Variants in OCA2 observed in about 807,000 individuals in gnomAD.
OCA2 encodes P protein.
Under a neutral mutation model 100.2 loss-of-function variants are expected in OCA2, and 77 were observed. The observed-to-expected ratio is 0.77, with a 90% CI of 0.64 to 0.93. The LOEUF is 0.93. Ranked by LOEUF, OCA2 falls within the 40% of genes least tolerant of loss-of-function variation. The pLI is 0.00. For synonymous variants in OCA2, 432 were observed against 439.2 expected, an observed-to-expected ratio of 0.98 and a Z score of 0.21; for missense variants, 1,062 against 1,089.1, an observed-to-expected ratio of 0.98 and a Z score of 0.35.
intron 23 of OCA2, among the ~76,000 whole-genome samples, chr15:27,805,955 C>T (rs2033827789): frequency 6.6e-6 from 1 of 152,238 alleles, no homozygotes; most frequent in South Asian, 2.1e-4. Context: ...TGGCCGAGCC[C>T]GGACACCACT....
At chr15:28,050,778 A>G (rs2043488063) in intron 2 of OCA2, among the ~76,000 whole-genome samples, 1 of 152,146 alleles carries the variant, frequency 6.6e-6, no homozygotes, top group South Asian at 2.1e-4. Flanking sequence ...CCACACAGAC[A>G]TGCCGAGTGC....
chr15:27,855,908 A>G (rs1390000479), intron 21 of OCA2, among the ~76,000 whole-genome samples: 1 of 152,182 alleles, frequency 6.6e-6, no homozygotes, highest in Admixed American at 6.5e-5. Flanking sequence ...CTACTGTATG[A>G]GCTCCCTGTA....
intron 23 of OCA2, among the ~76,000 whole-genome samples, chr15:27,794,027 CA>C (rs2033210422): frequency 6.6e-6 from 1 of 152,192 alleles, no homozygotes; most frequent in South Asian, 2.1e-4. Context: ...AGGCTTCCTA[CA>C]GAAAATTCTC....
chr15:28,037,467 G>A (rs1272704870), intron 2 of OCA2, among the ~76,000 whole-genome samples: 2 of 152,160 alleles, frequency 1.3e-5, no homozygotes, highest in Non-Finnish European at 2.9e-5. Context: ...ACAGGCCGCA[G>A]ACAGCAGAAG....
chr15:28,016,616 C>CA (rs959449315), intron 7 of OCA2, among the ~76,000 whole-genome samples: 4 of 151,916 alleles, frequency 2.6e-5, no homozygotes, highest in Non-Finnish European at 4.4e-5. Flanking sequence ...CCTGTCTGCA[C>CA]AAAAAAGTTT....
intron 1 of OCA2, among the ~76,000 whole-genome samples, chr15:28,083,091 G>A (rs904676893): frequency 3.3e-5 from 5 of 152,160 alleles, no homozygotes; most frequent in Admixed American, 2.6e-4. Context: ...TGCTGGGGCT[G>A]GAGTTAGCAC....
intron 2 of OCA2, among the ~76,000 whole-genome samples, chr15:28,034,498 G>T (rs760240860): frequency 1.3e-5 from 2 of 152,050 alleles, no homozygotes; most frequent in African/African-American, 2.4e-5. Context: ...ATAATGAGCC[G>T]GGCACAGTGG....
intron 19 of OCA2, among the ~76,000 whole-genome samples, chr15:27,913,839 G>GA (rs2038505884): frequency 4.4e-5 from 1 of 22,542 alleles, no homozygotes; most frequent in African/African-American, 2.2e-4. Context: ...AGAAAGAAAG[G>GA]AAAGAAAGAA....
At chr15:27,867,423 A>C (rs1595542109) in intron 21 of OCA2, among the ~76,000 whole-genome samples, 1 of 152,348 alleles carries the variant, frequency 6.6e-6, no homozygotes, top group African/African-American at 2.4e-5. Flanking sequence ...CTTAAAAGAT[A>C]ATCTGCTTTG....
At chr15:28,058,395 G>A (rs2141637731) in intron 2 of OCA2, among the ~76,000 whole-genome samples, 1 of 152,282 alleles carries the variant, frequency 6.6e-6, no homozygotes, top group Non-Finnish European at 1.5e-5. Context: ...TTTTCTGAGC[G>A]CTCCCTCTTT....
chr15:27,843,537 A>G (rs2035419869), intron 23 of OCA2, among the ~76,000 whole-genome samples: 1 of 152,200 alleles, frequency 6.6e-6, no homozygotes, highest in East Asian at 1.9e-4. Flanking sequence ...ATGAGAGTCC[A>G]AACAGAAAGA....
intron 9 of OCA2, among the ~76,000 whole-genome samples, chr15:27,996,045 T>C (rs1434288726): frequency 6.6e-6 from 1 of 152,098 alleles, no homozygotes. Context: ...ACTCCTGAAC[T>C]CATGATCCGC....
chr15:27,910,976 A>G (rs552085550), intron 19 of OCA2, among the ~76,000 whole-genome samples: 21 of 150,488 alleles, frequency 1.4e-4, no homozygotes, highest in African/African-American at 3.1e-4. Flanking sequence ...AAGAAAGAAA[A>G]AAAAGAAAAG....
At chr15:27,910,607 A>T (rs935034538) in intron 19 of OCA2, among the ~76,000 whole-genome samples, 3 of 152,170 alleles carry the variant, frequency 2.0e-5, no homozygotes, top group African/African-American at 7.2e-5. Flanking sequence ...TTATTCTTCA[A>T]GTAATAAAGA....
At chr15:27,803,823 AAC>A (rs1426950547) in intron 23 of OCA2, among the ~76,000 whole-genome samples, 19 of 152,238 alleles carry the variant, frequency 1.2e-4, no homozygotes, top group African/African-American at 4.6e-4. Flanking sequence ...AAGACACAAT[AAC>A]ACATGTTGAC....
chr15:27,778,220 C>T (rs1330553444), intron 23 of OCA2, among the ~76,000 whole-genome samples: 3 of 152,142 alleles, frequency 2.0e-5, no homozygotes, highest in African/African-American at 7.2e-5. Flanking sequence ...ACTGTGAAAC[C>T]ACGAAAGTCT....
rs139645766 is a variant in OCA2, at chr15:28,031,152, T to C, written c.326+913A>G. Among the ~76,000 whole-genome samples the C allele has an allele frequency of 1.6e-4, 24 of 152,276 alleles. No homozygotes were observed. In the East Asian group the frequency reaches 4.4e-3, roughly 28 times the overall value. On this transcript the variant is annotated intron_variant, in intron 3 of 23. Coordinates refer to ENST00000354638, the MANE Select transcript of OCA2 (RefSeq NM_000275.3). ...TCATAAACCAGCCATGTATGGAAAA[T>C]GTAGTCCTTCTACATTTCTTTGTTT...
intron 18 of OCA2, among the ~76,000 whole-genome samples, chr15:27,942,193 A>C (rs1008131553): frequency 1.3e-5 from 2 of 148,782 alleles, no homozygotes; most frequent in African/African-American, 4.9e-5. Flanking sequence ...ATTGTGATAC[A>C]TATTATATAT....
intron 1 of OCA2, among the ~76,000 whole-genome samples, chr15:28,088,031 C>T (rs2044807784): frequency 6.6e-6 from 1 of 151,940 alleles, no homozygotes; most frequent in South Asian, 2.1e-4. Context: ...CATTGCACTC[C>T]AGCCTGGGCA....
Sources: gnomAD v4.1 joint callset for allele counts (sites outside exome capture counted in the v4.1 genomes callset) on GRCh38, gnomAD v4.1.1 for gene constraint, MANE v1.5 for transcripts, NCBI Gene and HGNC (gene_info 2026-07-23, HGNC 2026-07-21) for gene names.